Variants in SH2D4B observed in about 807,000 individuals in gnomAD.
The protein encoded by SH2D4B is SH2 domain containing 4B.
SH2D4B carries 45 observed loss-of-function variants against 61.5 expected under a neutral mutation model. The observed-to-expected ratio is 0.73, with a 90% CI of 0.58 to 0.94. The LOEUF is 0.94. Among genes scored for constraint, SH2D4B ranks in the 40% least tolerant of loss-of-function variants. The pLI is 0.00. For synonymous variants in SH2D4B, 224 were observed against 220.4 expected (o/e 1.02, Z -0.14); for missense variants, 572 against 574.2 (o/e 1.00, Z 0.04).
intron 6 of SH2D4B, among the ~76,000 whole-genome samples, chr10:80,622,622 C>T (rs575606511): frequency 2.8e-4 from 43 of 152,202 alleles, no homozygotes; most frequent in Non-Finnish European, 5.3e-4. Context: ...GGCAGGTGGC[C>T]CTGGAGGGTC....
At chr10:80,570,839 C>G (rs190170351) in intron 2 of SH2D4B, among the ~76,000 whole-genome samples, 80 of 152,084 alleles carry the variant, frequency 5.3e-4, no homozygotes, top group Non-Finnish European at 1.1e-3. Flanking sequence ...TTACATGCAT[C>G]TTTGTTTTAT....
At chr10:80,619,374 G>A (rs1348718005) in intron 6 of SH2D4B, among the ~76,000 whole-genome samples, 1 of 152,222 alleles carries the variant, frequency 6.6e-6, no homozygotes, top group Non-Finnish European at 1.5e-5. Flanking sequence ...CTCTGTCCCT[G>A]TGTCACAGCC....
intron 5 of SH2D4B, among the ~76,000 whole-genome samples, chr10:80,606,043 G>A (rs1439675283): frequency 2.0e-5 from 3 of 152,108 alleles, no homozygotes; most frequent in Non-Finnish European, 4.4e-5. Flanking sequence ...AGGGCAGCAG[G>A]CCCAGGCAGT....
rs201184171 is a variant in SH2D4B at position 80,600,520 on chromosome 10, CATGTGTGT to C, written c.644-3058_644-3051del. ...GTGGTGGAGCTACAGTGCAGAGTGG[CATGTGTGT>C]GTGTGTGTGTGTGTGTGTGTGTGTG... is the stretch of plus-strand genomic sequence containing the variant. On this transcript the variant is annotated intron_variant, in intron 4 of 7. Coordinates refer to ENST00000646907, the MANE Select transcript of SH2D4B (RefSeq NM_001388272.1). Among the ~76,000 whole-genome samples, 1,146 of 133,706 alleles carry C rather than the reference CATGTGTGT, an allele frequency of 8.6e-3. 17 individuals carry two copies. The highest frequency in any genetic ancestry group is 0.056 in the East Asian group (241 of 4,270). 87.7% of individuals were successfully genotyped at this position (133,706 alleles called of 152,430 possible).
intron 5 of SH2D4B, among the ~76,000 whole-genome samples, chr10:80,604,310 G>A (rs779012420): frequency 9.6e-4 from 146 of 152,292 alleles, no homozygotes; most frequent in Non-Finnish European, 1.7e-3. Flanking sequence ...TGTCCCCTGA[G>A]GGTTTGTTTG....
chr10:80,591,478 T>C (rs1444288711), intron 4 of SH2D4B, among the ~76,000 whole-genome samples: 1 of 148,856 alleles, frequency 6.7e-6, no homozygotes, highest in Non-Finnish European at 1.5e-5. Flanking sequence ...CACATGGAGA[T>C]GGAAGGTACA....
At position 80,588,627 on chromosome 10, in the gene SH2D4B, T is replaced by G; in HGVS notation, c.496-3T>G. ...GTGTTGTTCTGTTCCCATGACATTT[T>G]AGAGGAAAGAGGAAGAGGAGAGGAA... On this transcript the variant is annotated splice_region_variant and splice_polypyrimidine_tract_variant and intron_variant, in intron 3 of 7. Transcript: ENST00000646907. 1.2e-6 allele frequency: 2 copies of G among 1,613,658 alleles called. No individual in the cohort carries two copies. Among genetic ancestry groups the G allele is most frequent in the Non-Finnish European group, 1.7e-6 (2 of 1,179,950 alleles).
At chr10:80,544,256 A>G (rs904367241) in intron 1 of SH2D4B, among the ~76,000 whole-genome samples, 8 of 152,230 alleles carry the variant, frequency 5.3e-5, no homozygotes, top group African/African-American at 1.9e-4. Context: ...AAGAGCTGTA[A>G]CAGTCACCAC....
chr10:80,610,470 C>T (rs34866993), intron 6 of SH2D4B, among the ~76,000 whole-genome samples: 2,636 of 152,250 alleles, frequency 0.017, 35 homozygotes, highest in Middle Eastern at 0.041. Context: ...TTTACAGTTC[C>T]GAAGAACAGC....
intron 7 of SH2D4B, among the ~76,000 whole-genome samples, chr10:80,643,269 C>T (rs1442704894): frequency 1.3e-5 from 2 of 150,626 alleles, no homozygotes; most frequent in Admixed American, 6.6e-5. Context: ...AAATAATGCC[C>T]ATTCTCGTTT....
intron 3 of SH2D4B, among the ~76,000 whole-genome samples, chr10:80,582,132 A>C (rs1842191010): frequency 6.6e-6 from 1 of 152,198 alleles, no homozygotes; most frequent in Admixed American, 6.5e-5. Context: ...TGTTCACCAA[A>C]TACTTTTTCA....
intron 1 of SH2D4B, among the ~76,000 whole-genome samples, chr10:80,553,753 T>C (rs1841791860): frequency 6.6e-6 from 1 of 152,212 alleles, no homozygotes; most frequent in Admixed American, 6.5e-5. Flanking sequence ...AAGGCAGTGC[T>C]GAATACAATA....
At chr10:80,576,327 T>C (rs1244705786) in intron 3 of SH2D4B, among the ~76,000 whole-genome samples, 3 of 152,220 alleles carry the variant, frequency 2.0e-5, no homozygotes, top group African/African-American at 7.2e-5. Context: ...TATTATATGT[T>C]TGTTTTGGTT....
intron 1 of SH2D4B, among the ~76,000 whole-genome samples, chr10:80,561,515 G>A (rs1333114889): frequency 6.6e-6 from 1 of 152,102 alleles, no homozygotes; most frequent in African/African-American, 2.4e-5. Flanking sequence ...CATTCAAAAT[G>A]AAAAATAAAC....
Position 80,644,198 on chromosome 10 carries a change from A to G in SH2D4B, c.*113A>G. ...GGAAGATCCACCACTATCCAAAGGAAAAAGTAGATTAATATGCCTCAAGGG... is the reference window on the plus strand; with the variant it reads ...GGAAGATCCACCACTATCCAAAGGAGAAAGTAGATTAATATGCCTCAAGGG... On this transcript the variant is annotated 3_prime_UTR_variant, in exon 8 of 8. Coordinates refer to ENST00000646907, the MANE Select transcript of SH2D4B (RefSeq NM_001388272.1). 2 of 808,798 alleles carry G rather than the reference A, an allele frequency of 2.5e-6. No individual in the cohort carries two copies. The highest frequency in any genetic ancestry group is 2.4e-4 in the Middle Eastern group (1 of 4,192). The allele number at this position is 808,798 out of a possible 1,614,324, so 50.1% of individuals were successfully genotyped here. A position where few individuals can be genotyped will look rare whatever the true frequency, so the allele number is the denominator to read the frequency against.
intron 6 of SH2D4B, among the ~76,000 whole-genome samples, chr10:80,626,776 C>T (rs1842770918): frequency 6.6e-6 from 1 of 152,212 alleles, no homozygotes; most frequent in Admixed American, 6.5e-5. Flanking sequence ...TCCCTGATTT[C>T]TCAACCTCTT....
At chr10:80,557,723 C>T (rs75081207) in intron 1 of SH2D4B, among the ~76,000 whole-genome samples, 1,696 of 152,214 alleles carry the variant, frequency 0.011, 31 homozygotes, top group African/African-American at 0.039. Flanking sequence ...TGTCTTCTCT[C>T]TTACTATCTT....
chr10:80,637,698 G>A (rs1840209025), intron 7 of SH2D4B, among the ~76,000 whole-genome samples: 1 of 152,134 alleles, frequency 6.6e-6, no homozygotes, highest in Admixed American at 6.5e-5. Context: ...GAGATGATGG[G>A]GTTTTCTAAA....
chr10:80,634,242 C>CCGT, intron 6 of SH2D4B, 43 bp from the exon 7 acceptor site: 2 of 1,478,696 alleles, frequency 1.4e-6, no homozygotes, highest in East Asian at 2.5e-5. Context: ...GAGGCAGTCG[C>CCGT]AGAACCTGCT....
Sources: gnomAD v4.1 joint callset for allele counts (sites outside exome capture counted in the v4.1 genomes callset) on GRCh38, gnomAD v4.1.1 for gene constraint, MANE v1.5 for transcripts, NCBI Gene and HGNC (gene_info 2026-07-23, HGNC 2026-07-21) for gene names.